Variants in NRG4 observed in about 807,000 individuals in gnomAD.
The protein encoded by NRG4 is pro-neuregulin-4, membrane-bound isoform.
A neutral mutation model predicts 15.0 loss-of-function variants in NRG4; 10 were observed. The observed-to-expected ratio is 0.67, with a 90% confidence interval of 0.41 to 1.13. The LOEUF is 1.13. Among genes scored for constraint, NRG4 ranks in the 50% most tolerant of loss-of-function variants. The pLI is 0.00. For missense variants in NRG4, 139 were observed against 140.2 expected (o/e 0.99, Z 0.04); for synonymous variants, 41 against 50.1 (o/e 0.82, Z 0.77).
chr15:75,970,579 G>A (rs2033045156), intron 3 of NRG4, among the ~76,000 whole-genome samples: 1 of 152,212 alleles, frequency 6.6e-6, no homozygotes, highest in African/African-American at 2.4e-5. Flanking sequence ...GAGGGCCCTG[G>A]TGAAACCAGA....
At chr15:75,962,170 C>T (rs1196210286) in intron 3 of NRG4, among the ~76,000 whole-genome samples, 196 bp from the exon 4 acceptor site, 1 of 152,134 alleles carries the variant, frequency 6.6e-6, no homozygotes, top group African/African-American at 2.4e-5. Flanking sequence ...TATAATAAAA[C>T]AATTTTTTAC....
chr15:75,938,470 A>G (rs1013512005), downstream of NRG4: 8 of 152,220 alleles, frequency 5.3e-5, no homozygotes, highest in African/African-American at 1.7e-4. Context: ...AAGGACATTA[A>G]ACTAGACATA....
chr15:76,034,636 C>G (rs977972231), intron 5 of NRG4, among the ~76,000 whole-genome samples: 4 of 151,020 alleles, frequency 2.6e-5, no homozygotes, highest in African/African-American at 9.8e-5. Context: ...AAAAAAAACA[C>G]TTCCAAATAA....
chr15:75,945,943 A>T (rs2031476399), intron 5 of NRG4: 1 of 152,216 alleles, frequency 6.6e-6, no homozygotes, highest in Admixed American at 6.5e-5. Context: ...AATAACTAAT[A>T]ATAAAGTAGA....
exon 4 of NRG4, chr15:76,052,089 T>C (rs1346299846): frequency 6.6e-6 from 1 of 150,932 alleles, no homozygotes; most frequent in African/African-American, 2.5e-5. Flanking sequence ...TGGATGAAAA[T>C]TTTTCCTCTA....
chr15:75,982,577 T>C (rs889773930), intron 3 of NRG4, among the ~76,000 whole-genome samples: 9 of 151,960 alleles, frequency 5.9e-5, no homozygotes, highest in Non-Finnish European at 1.3e-4. Flanking sequence ...TACCTGAAGG[T>C]CCAGGAGAAT....
chr15:75,961,710 TAACTA>T (rs1372367543), intron 4 of NRG4, 113 bp downstream of exon 4: 3 of 706,490 alleles, frequency 4.2e-6, no homozygotes, highest in East Asian at 2.6e-5. Context: ...ATTAAAGAGA[TAACTA>T]AACATAATAC....
In NRG4 at chr15:75,972,457, C is replaced by T. The variant is rs531825232; in HGVS notation, c.105-10483G>A. 1.2e-4 allele frequency among the ~76,000 whole-genome samples: 19 copies of T among 152,194 alleles called. No homozygotes were observed. The South Asian group carries it at 2.5e-3, about 20-fold the overall frequency. ...GAAGTCTTTGCCCATGCTTACATCC[C>T]GAATGGTATTGCCTAGGTTTTCTTC... On this transcript the variant is annotated intron_variant, in intron 3 of 5. Coordinates refer to ENST00000394907, the MANE Select transcript of NRG4 (RefSeq NM_138573.4).
intron 3 of NRG4, among the ~76,000 whole-genome samples, chr15:76,007,720 C>T (rs573571466): frequency 1.1e-3 from 174 of 152,240 alleles, no homozygotes; most frequent in African/African-American, 3.7e-3. Context: ...TGAGCCACCG[C>T]GCCCAACCTA....
At position 75,943,665 on chromosome 15, in the gene NRG4, TAAG is replaced by T. The variant is rs1334706471; in HGVS notation, c.332-14_332-12del. ...AGTGTTGTTCATGACCTGTGAAAAATAAGTAAGAATTAAGATGCTTTCTCCATT... is the reference window on the plus strand; with the variant it reads ...AGTGTTGTTCATGACCTGTGAAAAATTAAGAATTAAGATGCTTTCTCCATT... On this transcript the variant is annotated splice_polypyrimidine_tract_variant and intron_variant, in intron 5 of 5. Coordinates refer to ENST00000394907, the MANE Select transcript of NRG4 (RefSeq NM_138573.4). The T allele has an allele frequency of 1.3e-6, 2 of 1,537,938 alleles. No individual in the cohort carries two copies. The highest frequency in any genetic ancestry group is 2.7e-5 in the African/African-American group (2 of 73,316).
In NRG4 at chr15:75,956,020, A is replaced by G; in HGVS notation, c.252-9T>C. ...TCTGAAAGTGGCCTTTCCTGACAAT[A>G]AAGAGGAGAGAAACACAAAAATGGA... On this transcript the variant is annotated splice_polypyrimidine_tract_variant and intron_variant, in intron 4 of 5. Coordinates refer to ENST00000394907, the MANE Select transcript of NRG4 (RefSeq NM_138573.4). 2 of 1,557,026 alleles carry G rather than the reference A, an allele frequency of 1.3e-6. No homozygotes were observed. The highest frequency in any genetic ancestry group is 2.2e-5 in the South Asian group (2 of 89,586).
intron 4 of NRG4, among the ~76,000 whole-genome samples, chr15:76,051,082 T>C (rs1285851840): frequency 4.0e-5 from 6 of 148,376 alleles, no homozygotes; most frequent in African/African-American, 1.5e-4. Flanking sequence ...CTCGGCTCAC[T>C]GCAAGCTCCG....
chr15:76,057,482 C>A (rs1351439504), intron 1 of NRG4, among the ~76,000 whole-genome samples: 1 of 152,140 alleles, frequency 6.6e-6, no homozygotes, highest in African/African-American at 2.4e-5. Context: ...CGGTGTTAGG[C>A]CTCAGGGTAT....
At chr15:75,939,533 G>A (rs1365010646), downstream of NRG4, 1 of 152,142 alleles carries the variant, frequency 6.6e-6, no homozygotes, top group African/African-American at 2.4e-5. Flanking sequence ...AAAAATTGAA[G>A]AGGAAGGACG....
chr15:76,059,833 C>T (rs2036253023), upstream of NRG4: 1 of 145,646 alleles, frequency 6.9e-6, no homozygotes, highest in South Asian at 2.1e-4. Flanking sequence ...GGCGAGGGCG[C>T]AGGCGCGGGC....
intron 5 of NRG4, among the ~76,000 whole-genome samples, chr15:75,953,122 A>G (rs1288922220): frequency 6.6e-6 from 1 of 152,160 alleles, no homozygotes; most frequent in Non-Finnish European, 1.5e-5. Flanking sequence ...ATTGACACCT[A>G]TGTTTTCTAC....
rs1241711507 is a variant in NRG4, at chr15:76,009,222, T to C, written c.82A>G (p.Thr28Ala). The C allele has an allele frequency of 2.5e-6, 4 of 1,587,660 alleles. No individual in the cohort carries two copies. Among genetic ancestry groups the C allele is most frequent in the Non-Finnish European group, 3.5e-6 (4 of 1,156,506 alleles). The change falls in exon 3 of 6, where the codon ACT (threonine) becomes GCT (alanine). Residue 28 changes from threonine (T) to alanine (A), a missense_variant. Physicochemically the swap from Thr to Ala is moderately conservative, Grantham distance 58. Coordinates refer to ENST00000394907, the MANE Select transcript of NRG4 (RefSeq NM_138573.4). ...LNGGLCYVIPTIPSPFCRCVE... is the reference protein window; with the variant it reads ...LNGGLCYVIPAIPSPFCRCVE... ...CACCTACAAAATGGGCTGGGAATAG[T>C]AGGTATCACATAACAAAGCCCCCCA...
At chr15:76,041,914 A>G (rs1014952235) in intron 4 of NRG4, among the ~76,000 whole-genome samples, 4 of 152,338 alleles carry the variant, frequency 2.6e-5, no homozygotes, top group Admixed American at 2.6e-4. Flanking sequence ...TCTCAAGGAT[A>G]GACCATATGT....
At chr15:75,954,839 A>C (rs1043456454) in intron 5 of NRG4, among the ~76,000 whole-genome samples, 3 of 151,566 alleles carry the variant, frequency 2.0e-5, no homozygotes, top group Non-Finnish European at 4.4e-5. Context: ...GCTATTTTTC[A>C]GCATTGTTGA....
Sources: allele counts gnomAD v4.1 joint callset (sites outside exome capture counted in the v4.1 genomes callset), GRCh38; gene constraint gnomAD v4.1.1; transcripts MANE v1.5; gene names NCBI Gene and HGNC (gene_info 2026-07-23, HGNC 2026-07-21).